TJAP1: variants seen among roughly 807,000 people sequenced by gnomAD.
TJAP1 encodes the protein tight junction associated protein 1.
In TJAP1, 27 loss-of-function variants were observed where a neutral mutation model predicts 42.0. The ratio of observed to expected loss-of-function variants is 0.64; its 90% CI spans 0.47 to 0.89. TJAP1 has a LOEUF of 0.89. TJAP1 is among the 40% of genes least tolerant of loss of function. The pLI is 0.00. For synonymous variants in TJAP1, 257 were observed against 288.4 expected (o/e 0.89, Z 1.10); for missense variants, 712 against 726.9 (o/e 0.98, Z 0.24).
In TJAP1 at chr6:43,505,839, G is replaced by A. The variant is rs756421805; in HGVS notation, c.1658G>A (p.Gly553Asp). 9.5e-6 allele frequency: 14 copies of A among 1,478,092 alleles called. No individual in the cohort carries two copies. The highest frequency in any genetic ancestry group is 1.3e-5 in the Non-Finnish European group (14 of 1,118,990). The allele number at this position is 1,478,092 out of a possible 1,614,324, so 91.6% of individuals were successfully genotyped here. ...AGCCTGACCCAGGCCCAGGAGCAGG[G>A]CAACCTGCTCAACTAGGGCCCCTGC... The change falls in exon 11 of 11, where the codon GGC becomes GAC. Residue 553 changes from glycine to aspartate, a missense_variant. Around this residue, in one of 3 missense-constraint regions of TJAP1, gnomAD observed 549 missense variants for 528.2 expected, o/e 1.04. Transcript: ENST00000372449. The surrounding 1 kb of genome is among the most constrained non-coding windows in gnomAD (Gnocchi z 5.5).
chr6:43,498,869 C>A, intron 3 of TJAP1, 109 bp from the exon 4 acceptor site: 1 of 1,197,582 alleles, frequency 8.4e-7, no homozygotes, highest in Non-Finnish European at 1.2e-6. Context: ...GGCCTGTCAG[C>A]CTATGTGGTG....
chr6:43,478,013 G>A (rs1784571493), intron 1 of TJAP1, 74 bp from the exon 2 acceptor site: 2 of 152,346 alleles, frequency 1.3e-5, no homozygotes, highest in Non-Finnish European at 2.9e-5. Flanking sequence ...GGATAGTGAG[G>A]AAGAGAGATC....
intron 2 of TJAP1, among the ~76,000 whole-genome samples, chr6:43,493,242 G>A (rs1788227856): frequency 6.6e-6 from 1 of 152,164 alleles, no homozygotes; most frequent in South Asian, 2.1e-4. Flanking sequence ...TGTGTTCATT[G>A]ACTCCTTAAG....
In TJAP1 at chr6:43,501,584, AC is replaced by A; in HGVS notation, c.188del (p.Thr63MetfsTer85). The A allele has an allele frequency of 6.2e-7, 1 of 1,614,100 alleles. No individual in the cohort carries two copies. The highest frequency in any genetic ancestry group is 8.5e-7 in the Non-Finnish European group (1 of 1,179,996). On this transcript the variant is annotated frameshift_variant, in exon 6 of 11. Transcript: ENST00000372449. LOFTEE classifies it high-confidence loss of function. ...GCGCCTGGCCTCCGCCACCAGACGC[AC>A]TGAGGCCCTGGAACGTGAGCTGGAA...
At chr6:43,478,926 G>A in intron 2 of TJAP1, among the ~76,000 whole-genome samples, 1 of 152,170 alleles carries the variant, frequency 6.6e-6, no homozygotes, top group East Asian at 1.9e-4. Flanking sequence ...CTTTACAGTT[G>A]GACAAGTGTG....
intron 2 of TJAP1, among the ~76,000 whole-genome samples, chr6:43,488,329 A>T (rs1445877087): frequency 6.6e-6 from 1 of 152,184 alleles, no homozygotes; most frequent in Non-Finnish European, 1.5e-5. Context: ...TTCCCAGTCG[A>T]GTGAGTTCCT....
exon 10 of TJAP1, chr6:43,503,675 A>G (rs777490474): frequency 6.2e-7 from 1 of 1,614,162 alleles, no homozygotes; most frequent in South Asian, 1.1e-5. Context: ...AAGTGCAACA[A>G]GTCCCACTTC....
intron 2 of TJAP1, among the ~76,000 whole-genome samples, chr6:43,494,408 C>T (rs1235237180): frequency 9.2e-5 from 14 of 152,140 alleles, no homozygotes; most frequent in Non-Finnish European, 5.9e-5. Context: ...GTTGCTGCTA[C>T]TCTGGGTGTC....
At chr6:43,506,128 A>C in exon 11 of TJAP1, 14 of 329,978 alleles carry the variant, frequency 4.2e-5, no homozygotes, top group East Asian at 9.4e-5. Flanking sequence ...CTTTCCTCCA[A>C]TCAGCCCAAC....
rs543823587 is a variant in TJAP1, at chr6:43,499,743, A to C, written c.99+643A>C. Among the ~76,000 whole-genome samples the C allele has an allele frequency of 4.8e-4, 73 of 152,382 alleles. 2 individuals carry two copies. In the South Asian group the frequency reaches 0.013, roughly 27 times the overall value. ...CTTGCAGCCATATCTCCATCTGGTCACAGTGCGTGGAGCACATTTAAAGAA... is the reference window on the plus strand; with the variant it reads ...CTTGCAGCCATATCTCCATCTGGTCCCAGTGCGTGGAGCACATTTAAAGAA... On this transcript the variant is annotated intron_variant, in intron 4 of 10. Coordinates refer to ENST00000372449, the Ensembl canonical transcript of TJAP1.
At chr6:43,501,176 TG>T (rs1334354574) in intron 5 of TJAP1, 3 of 375,210 alleles carry the variant, frequency 8.0e-6, no homozygotes, top group African/African-American at 2.1e-5. Flanking sequence ...GTGGGGAAAC[TG>T]GAGCTGGGGG....
In TJAP1 at chr6:43,505,051, G is replaced by T; in HGVS notation, c.870G>T (p.Glu290Asp). The T allele has an allele frequency of 6.2e-7, 1 of 1,614,052 alleles. No homozygotes were observed. The highest frequency in any genetic ancestry group is 8.5e-7 in the Non-Finnish European group (1 of 1,180,012). Reference sequence around the variant, plus strand: ...GCCCCACCCCACAACCCAATGGGGAGTGCCACTCTCTGGGTACTGCCAGGG... The same window carrying T: ...GCCCCACCCCACAACCCAATGGGGATTGCCACTCTCTGGGTACTGCCAGGG... Residue 290 changes from glutamate to aspartate, a missense_variant, in exon 11 of 11, where the codon GAG becomes GAT. Transcript: ENST00000372449. The surrounding 1 kb of genome is among the most constrained non-coding windows in gnomAD (Gnocchi z 5.5).
intron 2 of TJAP1, among the ~76,000 whole-genome samples, chr6:43,479,458 C>T (rs930890468): frequency 6.6e-6 from 1 of 152,198 alleles, no homozygotes; most frequent in Admixed American, 6.5e-5. Context: ...TAATTGTAAT[C>T]ACCCAAGGGT....
exon 7 of TJAP1, chr6:43,502,316 C>G: frequency 6.2e-7 from 1 of 1,613,840 alleles, no homozygotes; most frequent in East Asian, 2.2e-5. Context: ...CCCAGCGGAC[C>G]AACCAGGAGT....
At chr6:43,483,449 G>A (rs1388616344) in intron 2 of TJAP1, among the ~76,000 whole-genome samples, 1 of 152,206 alleles carries the variant, frequency 6.6e-6, no homozygotes, top group Non-Finnish European at 1.5e-5. Context: ...CCAGTGAGAA[G>A]CCTCCGCTGC....
chr6:43,479,113 A>G (rs1312272851), intron 2 of TJAP1, among the ~76,000 whole-genome samples: 1 of 152,248 alleles, frequency 6.6e-6, no homozygotes, highest in Non-Finnish European at 1.5e-5. Flanking sequence ...GACTGGAGCC[A>G]GAGAACACAG....
chr6:43,477,846 G>C (rs1168449950), intron 1 of TJAP1, among the ~76,000 whole-genome samples: 3 of 152,156 alleles, frequency 2.0e-5, no homozygotes, highest in Admixed American at 6.5e-5. Context: ...ATTTGGGGGC[G>C]GGGCAGCCAG....
chr6:43,501,256 TTATTTC>T, intron 5 of TJAP1: 2 of 453,986 alleles, frequency 4.4e-6, no homozygotes, highest in Non-Finnish European at 7.8e-6. Flanking sequence ...CCCCAATTCT[TTATTTC>T]TATTCTCCGA....
chr6:43,494,634 T>C (rs1788671308), intron 2 of TJAP1, among the ~76,000 whole-genome samples: 1 of 149,692 alleles, frequency 6.7e-6, no homozygotes. Context: ...GTGGGATTCT[T>C]CCTTGTTGAT....
Sources: gnomAD v4.1 joint callset for allele counts (sites outside exome capture counted in the v4.1 genomes callset) on GRCh38, gnomAD v4.1.1 for gene constraint, gnomAD v4.1.1 regional missense constraint, Gnocchi (gnomAD v3.1) non-coding constraint, MANE v1.5 for transcripts, NCBI Gene and HGNC (gene_info 2026-07-23, HGNC 2026-07-21) for gene names.